Variants in LRRC4C observed in about 807,000 individuals in gnomAD.
LRRC4C encodes the protein leucine rich repeat containing 4C.
LRRC4C carries 5 observed loss-of-function variants against 33.6 expected under a neutral mutation model. That is an observed-to-expected ratio of 0.15 (90% CI 0.08 to 0.31). LRRC4C has a LOEUF of 0.31. Among genes scored for constraint, LRRC4C ranks in the 10% least tolerant of loss-of-function variants. The pLI, the probability that LRRC4C is intolerant of heterozygous loss-of-function variation, is 1.00. For synonymous variants in LRRC4C, 329 were observed against 302.0 expected, an observed-to-expected ratio of 1.09 and a Z score of -0.93; for missense variants, 560 against 796.7, an observed-to-expected ratio of 0.70 and a Z score of 3.58.
At chr11:40,904,368 A>G (rs916640778) in intron 2 of LRRC4C, among the ~76,000 whole-genome samples, 1 of 152,196 alleles carries the variant, frequency 6.6e-6, no homozygotes, top group Non-Finnish European at 1.5e-5. Flanking sequence ...CCTTATACAT[A>G]GCAAATAAAT....
intron 1 of LRRC4C, among the ~76,000 whole-genome samples, chr11:40,984,427 A>T (rs1445438678): frequency 7.0e-6 from 1 of 143,488 alleles, no homozygotes; most frequent in East Asian, 2.0e-4. Flanking sequence ...GAAAGAAAGA[A>T]AGAGAAAAAG....
intron 3 of LRRC4C, among the ~76,000 whole-genome samples, chr11:40,606,756 A>G (rs1004390089): frequency 7.2e-5 from 11 of 152,158 alleles, no homozygotes; most frequent in African/African-American, 2.7e-4. Context: ...GGGTCCTATA[A>G]GAGAAGAGGG....
chr11:41,405,275 A>G (rs1244775449), intron 1 of LRRC4C, among the ~76,000 whole-genome samples: 1 of 152,148 alleles, frequency 6.6e-6, no homozygotes, highest in Admixed American at 6.5e-5. Context: ...CACATGGTAT[A>G]TTTACAAAAT....
At chr11:40,489,726 T>C (rs1954051685) in intron 3 of LRRC4C, among the ~76,000 whole-genome samples, 1 of 152,120 alleles carries the variant, frequency 6.6e-6, no homozygotes, top group Admixed American at 6.6e-5. Flanking sequence ...TTTTTTCACT[T>C]CCAGCTATGA....
chr11:40,694,750 T>C (rs1945405211), intron 2 of LRRC4C, among the ~76,000 whole-genome samples: 1 of 152,110 alleles, frequency 6.6e-6, no homozygotes, highest in Admixed American at 6.6e-5. Context: ...CACCTATACA[T>C]TGCAGCACAG....
intron 3 of LRRC4C, among the ~76,000 whole-genome samples, chr11:40,625,535 C>A (rs888384423): frequency 2.0e-5 from 3 of 152,104 alleles, no homozygotes; most frequent in Admixed American, 2.0e-4. Flanking sequence ...TCACTTACCT[C>A]CCAAAGGGTC....
intron 5 of LRRC4C, among the ~76,000 whole-genome samples, chr11:40,238,349 G>A (rs1865706637): frequency 6.6e-6 from 1 of 152,098 alleles, no homozygotes; most frequent in South Asian, 2.1e-4. Flanking sequence ...CCCCAAACCT[G>A]CTTTTCAATT....
At chr11:40,900,322 G>T (rs564868924) in intron 2 of LRRC4C, among the ~76,000 whole-genome samples, 2 of 151,964 alleles carry the variant, frequency 1.3e-5, no homozygotes, top group African/African-American at 2.4e-5. Context: ...TTAATTTATG[G>T]AATAAGATGA....
chr11:40,516,207 TTTTA>T (rs1955554248), intron 3 of LRRC4C, among the ~76,000 whole-genome samples: 2 of 152,258 alleles, frequency 1.3e-5, no homozygotes, highest in East Asian at 3.9e-4. Flanking sequence ...GTTCTACATA[TTTTA>T]TTTATGTAAT....
chr11:40,384,532 A>G (rs1417654013), intron 3 of LRRC4C, among the ~76,000 whole-genome samples: 1 of 152,202 alleles, frequency 6.6e-6, no homozygotes, highest in Non-Finnish European at 1.5e-5. Flanking sequence ...CCAGGATTCA[A>G]ACTTCTAGTT....
At chr11:40,664,875 C>G (rs1422798160) in intron 2 of LRRC4C, among the ~76,000 whole-genome samples, 1 of 151,932 alleles carries the variant, frequency 6.6e-6, no homozygotes, top group African/African-American at 2.4e-5. Flanking sequence ...GCTGCACCCA[C>G]TAACTCGTCA....
At chr11:40,116,437 G>T in intron 6 of LRRC4C, 103 bp from the exon 7 acceptor site, 1 of 1,206,900 alleles carries the variant, frequency 8.3e-7, no homozygotes, top group Non-Finnish European at 1.1e-6. Context: ...AAGCCATCAT[G>T]TGTGAGACAA....
At chr11:41,186,133 G>T (rs977297293) in intron 1 of LRRC4C, among the ~76,000 whole-genome samples, 1 of 152,118 alleles carries the variant, frequency 6.6e-6, no homozygotes, top group African/African-American at 2.4e-5. Flanking sequence ...AATGCTTAAA[G>T]TCTTAGTGTT....
chr11:41,173,036 T>G (rs1945043410), intron 1 of LRRC4C, among the ~76,000 whole-genome samples: 1 of 152,074 alleles, frequency 6.6e-6, no homozygotes. Context: ...CCAATAGAGT[T>G]TCTAAAAAAT....
chr11:40,711,794 G>T (rs1446210529), intron 2 of LRRC4C, among the ~76,000 whole-genome samples: 2 of 150,944 alleles, frequency 1.3e-5, no homozygotes, highest in Non-Finnish European at 2.9e-5. Flanking sequence ...AATGATGAAA[G>T]AAAGAACTGG....
At chr11:40,421,132 G>C (rs1268066882) in intron 3 of LRRC4C, among the ~76,000 whole-genome samples, 1 of 152,134 alleles carries the variant, frequency 6.6e-6, no homozygotes, top group Non-Finnish European at 1.5e-5. Context: ...TGCCCAAGAT[G>C]AACCAAAGGT....
At chr11:41,377,855 C>T (rs1021012245) in intron 1 of LRRC4C, among the ~76,000 whole-genome samples, 7 of 152,100 alleles carry the variant, frequency 4.6e-5, no homozygotes, top group East Asian at 1.9e-4. Context: ...AGCAGCTTTC[C>T]AGCTTTTTCT....
chr11:40,801,642 T>A (rs1951046840), intron 2 of LRRC4C, among the ~76,000 whole-genome samples: 1 of 152,178 alleles, frequency 6.6e-6, no homozygotes, highest in African/African-American at 2.4e-5. Flanking sequence ...TATGTTTATA[T>A]CTAATAATTT....
At chr11:40,389,413 C>CA (rs1172429573) in intron 3 of LRRC4C, among the ~76,000 whole-genome samples, 1 of 150,838 alleles carries the variant, frequency 6.6e-6, no homozygotes, top group Admixed American at 6.6e-5. Flanking sequence ...TACTACAGGG[C>CA]AAAAAAGTTT....
Sources: gnomAD v4.1 joint callset for allele counts (sites outside exome capture counted in the v4.1 genomes callset) on GRCh38, gnomAD v4.1.1 for gene constraint, MANE v1.5 for transcripts, NCBI Gene and HGNC (gene_info 2026-07-23, HGNC 2026-07-21) for gene names.